SAT2: variants seen among roughly 807,000 people sequenced by gnomAD.
The protein encoded by SAT2 is thialysine N-epsilon-acetyltransferase.
Under a neutral mutation model 24.8 loss-of-function variants are expected in SAT2, and 19 were observed. That is an observed-to-expected ratio of 0.77 (90% CI 0.53 to 1.12). The LOEUF is 1.12. Ranked by LOEUF, SAT2 falls within the 50% of genes most tolerant of loss-of-function variation. The probability of loss-of-function intolerance (pLI) is 0.00; values close to 1 mark genes in which losing one functional copy is unlikely to be tolerated. For missense variants in SAT2, 190 were observed against 210.7 expected (o/e 0.90, Z 0.61); for synonymous variants, 77 against 77.4 (o/e 0.99, Z 0.03).
intron 4 of SAT2, 58 bp downstream of exon 4, chr17:7,626,885 A>G: frequency 6.2e-7 from 1 of 1,602,366 alleles, no homozygotes; most frequent in South Asian, 1.1e-5. Context: ...GACAGGGGAT[A>G]ACAGTGGGGT....
At position 7,627,713 on chromosome 17, in the gene SAT2, T is replaced by C. The variant is rs754279126; in HGVS notation, c.-78A>G. 6.5e-7 allele frequency: 1 copy of C among 1,529,474 alleles called. No homozygotes were observed. Among genetic ancestry groups the C allele is most frequent in the Non-Finnish European group, 9.1e-7 (1 of 1,104,818 alleles). The allele number at this position is 1,529,474 out of a possible 1,614,324, so 94.7% of individuals were successfully genotyped here. A position where few individuals can be genotyped will look rare whatever the true frequency, so the allele number is the denominator to read the frequency against. On this transcript the variant is annotated 5_prime_UTR_variant, in exon 1 of 6. Coordinates refer to ENST00000269298, the MANE Select transcript of SAT2 (RefSeq NM_133491.5). The surrounding 1 kb of genome is among the most constrained non-coding windows in gnomAD (Gnocchi z 4.8). ...AGACCCCTTAAAGGGCCTACGGACTTGGATCCTGAAGAGCCTGAGAGAGCG... is the reference window on the plus strand; with the variant it reads ...AGACCCCTTAAAGGGCCTACGGACTCGGATCCTGAAGAGCCTGAGAGAGCG...
Position 7,626,294 on chromosome 17 carries a change from A to C in SAT2, c.*153T>G. ...AACAAGGAAGAAAGGTCTCTCCCTCAATTCTGCTCTTCCAATACTTGAGGA... is the reference window on the plus strand; with the variant it reads ...AACAAGGAAGAAAGGTCTCTCCCTCCATTCTGCTCTTCCAATACTTGAGGA... On this transcript the variant is annotated 3_prime_UTR_variant, in exon 6 of 6. Transcript: ENST00000269298. 7.9e-6 allele frequency: 6 copies of C among 763,368 alleles called. No individual in the cohort carries two copies. Among genetic ancestry groups the C allele is most frequent in the Non-Finnish European group, 1.3e-5 (6 of 456,012 alleles). 47.3% of individuals were successfully genotyped at this position (763,368 alleles called of 1,614,324 possible). A position where few individuals can be genotyped will look rare whatever the true frequency, so the allele number is the denominator to read the frequency against.
In SAT2 at chr17:7,627,682, G is replaced by T; in HGVS notation, c.-47C>A. The T allele has an allele frequency of 6.2e-7, 1 of 1,609,202 alleles. No individual in the cohort carries two copies. Among genetic ancestry groups the T allele is most frequent in the African/African-American group, 1.3e-5 (1 of 74,914 alleles). ...CCAAAGTCCCAGGGCCTCGCAAACG[G>T]CAACTAGACCCCTTAAAGGGCCTAC... On this transcript the variant is annotated 5_prime_UTR_variant, in exon 1 of 6. Transcript: ENST00000269298. The surrounding 1 kb of genome is among the most constrained non-coding windows in gnomAD (Gnocchi z 4.8).
chr17:7,626,861 G>A (rs1387145690), intron 4 of SAT2, 68 bp from the exon 5 acceptor site: 53 of 1,605,902 alleles, frequency 3.3e-5, no homozygotes, highest in Non-Finnish European at 4.3e-5. Context: ...AAATGACACC[G>A]GCTGGGCTCT....
In SAT2 at chr17:7,627,448, G is replaced by A. The variant is rs755469378; in HGVS notation, c.67-34C>T. 53 of 1,613,120 alleles carry A rather than the reference G, an allele frequency of 3.3e-5. 1 individual carries two copies. The South Asian group carries it at 5.7e-4, about 17-fold the overall frequency. ...TGGGTACGGAAGCTAGATTAGAGCA[G>A]AAGGGCCCCGCTGCTCCCCGAGCAG... On this transcript the variant is annotated intron_variant, in intron 1 of 5. Coordinates refer to ENST00000269298, the MANE Select transcript of SAT2 (RefSeq NM_133491.5). The surrounding 1 kb of genome is among the most constrained non-coding windows in gnomAD (Gnocchi z 4.8).
chr17:7,627,070 G>T lies in SAT2; in HGVS notation c.203-26C>A. 2 of 1,613,164 alleles carry T rather than the reference G, an allele frequency of 1.2e-6. No homozygotes were observed. The highest frequency in any genetic ancestry group is 2.2e-5 in the East Asian group (1 of 44,882). On this transcript the variant is annotated intron_variant, in intron 3 of 5. Coordinates refer to ENST00000269298, the MANE Select transcript of SAT2 (RefSeq NM_133491.5). This position sits in a 1 kb window ranked among gnomAD's most constrained non-coding sequence, Gnocchi z 4.8. ...CTGAGAGAGAGAAAAGGGGAGTAAG[G>T]CTTCTGGAAGCCTGTGGGGAGACCT...
chr17:7,627,832 C>T (rs745899905), upstream of SAT2: 1 of 670,620 alleles, frequency 1.5e-6, no homozygotes, highest in Non-Finnish European at 2.7e-6. The surrounding 1 kb of genome is among the most constrained non-coding windows in gnomAD (Gnocchi z 4.8). Flanking sequence ...AGTAGGCCAG[C>T]GAGGCGATCC....
Position 7,627,269 on chromosome 17 carries a change from C to G in SAT2, c.119-43G>C. ...GTGACAAAGAGATAGAGAAAGAGGA[C>G]GTGGGTGTATGCCCAGCCTGGAGCT... On this transcript the variant is annotated intron_variant, in intron 2 of 5. Transcript: ENST00000269298. The surrounding 1 kb of genome is among the most constrained non-coding windows in gnomAD (Gnocchi z 4.8). The G allele has an allele frequency of 6.2e-7, 1 of 1,612,676 alleles. No homozygotes were observed. The highest frequency in any genetic ancestry group is 8.5e-7 in the Non-Finnish European group (1 of 1,178,792).
chr17:7,627,580 C>T lies in SAT2; in HGVS notation c.56G>A (p.Arg19Lys). 3.1e-6 allele frequency: 5 copies of T among 1,611,192 alleles called. No individual in the cohort carries two copies. The highest frequency in any genetic ancestry group is 4.2e-6 in the Non-Finnish European group (5 of 1,178,514). ...AKEGDCGDIL[R>K]LIRELAEFEK... ...GCCTGCAGTCTTCACCCGAATCAGC[C>T]TCAGGATATCTCCACAGTCTCCCTC... The change falls in exon 1 of 6, where the codon AGG (arginine) becomes AAG (lysine). Residue 19 changes from arginine (R) to lysine (K), a missense_variant. Coordinates refer to ENST00000269298, the MANE Select transcript of SAT2 (RefSeq NM_133491.5). The surrounding 1 kb of genome is among the most constrained non-coding windows in gnomAD (Gnocchi z 4.8).
In SAT2 at chr17:7,627,473, G is replaced by C. The variant is rs2072251469; in HGVS notation, c.67-59C>G. ...GAAGGGCCCCGCTGCTCCCCGAGCAGGTTCCCAAGGCGAGCCCCTCCCCCT... is the reference window on the plus strand; with the variant it reads ...GAAGGGCCCCGCTGCTCCCCGAGCACGTTCCCAAGGCGAGCCCCTCCCCCT... On this transcript the variant is annotated intron_variant, in intron 1 of 5. Coordinates refer to ENST00000269298, the MANE Select transcript of SAT2 (RefSeq NM_133491.5). The surrounding 1 kb of genome is among the most constrained non-coding windows in gnomAD (Gnocchi z 4.8). 1.9e-6 allele frequency: 3 copies of C among 1,609,004 alleles called. No individual in the cohort carries two copies. The South Asian group carries it at 3.3e-5, about 18-fold the overall frequency.
At position 7,627,178 on chromosome 17, in the gene SAT2, A is replaced by T. The variant is rs1170142467; in HGVS notation, c.167T>A (p.Val56Glu). The T allele has an allele frequency of 1.2e-6, 2 of 1,614,110 alleles. No homozygotes were observed. The highest frequency in any genetic ancestry group is 1.7e-6 in the Non-Finnish European group (2 of 1,180,022). The stretch of plus-strand genomic sequence containing the variant: ...CCCGGGCGCTGGAAGAATCTCTGCT[A>T]CCAAACAGTGATAGAAAGGATTGTC... The part of the protein sequence containing the change: ...FGDNPFYHCL[V>E]AEILPAPGKL... The change falls in exon 3 of 6, where the codon GTA (valine) becomes GAA (glutamate). Residue 56 changes from valine to glutamate, a missense_variant. Transcript: ENST00000269298. The surrounding 1 kb of genome is among the most constrained non-coding windows in gnomAD (Gnocchi z 4.8).
chr17:7,626,705 A>G (rs757084970), intron 5 of SAT2, 48 bp downstream of exon 5: 1 of 1,612,910 alleles, frequency 6.2e-7, no homozygotes. Context: ...CCCTCCATAT[A>G]CCCTTGCTTC....
rs1217471422 is a variant in SAT2 at position 7,627,217 on chromosome 17, G to A, written c.128C>T (p.Ala43Val). The change falls in exon 3 of 6, where the codon GCA (alanine) becomes GTA (valine). Residue 43 changes from alanine to valine, a missense_variant. Ala to Val is a moderately conservative substitution (Grantham distance 64). Transcript: ENST00000269298. The surrounding 1 kb of genome is among the most constrained non-coding windows in gnomAD (Gnocchi z 4.8). ...GAAAGGATTGTCTCCAAAGCCATCTGCTCTCAGGGCTGCCGAGATTGGAGT... is the reference window on the plus strand; with the variant it reads ...GAAAGGATTGTCTCCAAAGCCATCTACTCTCAGGGCTGCCGAGATTGGAGT... ...QVKISEEALR[A>V]DGFGDNPFYH... 1.2e-6 allele frequency: 2 copies of A among 1,614,124 alleles called. No homozygotes were observed. The highest frequency in any genetic ancestry group is 1.7e-6 in the Non-Finnish European group (2 of 1,180,008).
Position 7,627,274 on chromosome 17 carries a change from G to A in SAT2, c.119-48C>T. 1 of 1,612,230 alleles carries A rather than the reference G, an allele frequency of 6.2e-7. No individual in the cohort carries two copies. Among genetic ancestry groups the A allele is most frequent in the South Asian group, 1.1e-5 (1 of 91,048 alleles). On this transcript the variant is annotated intron_variant, in intron 2 of 5. Coordinates refer to ENST00000269298, the MANE Select transcript of SAT2 (RefSeq NM_133491.5). This position sits in a 1 kb window ranked among gnomAD's most constrained non-coding sequence, Gnocchi z 4.8. ...AAAGAGATAGAGAAAGAGGACGTGGGTGTATGCCCAGCCTGGAGCTGTCGC... is the reference window on the plus strand; with the variant it reads ...AAAGAGATAGAGAAAGAGGACGTGGATGTATGCCCAGCCTGGAGCTGTCGC...
rs1381763278 is a variant in SAT2 at position 7,627,462 on chromosome 17, C to T, written c.67-48G>A. On this transcript the variant is annotated intron_variant, in intron 1 of 5. Transcript: ENST00000269298. The surrounding 1 kb of genome is among the most constrained non-coding windows in gnomAD (Gnocchi z 4.8). ...AGATTAGAGCAGAAGGGCCCCGCTG[C>T]TCCCCGAGCAGGTTCCCAAGGCGAG... The T allele has an allele frequency of 4.3e-6, 7 of 1,611,476 alleles. No individual in the cohort carries two copies. In the South Asian group the frequency reaches 7.7e-5, roughly 18 times the overall value.
At position 7,627,237 on chromosome 17, in the gene SAT2, T is replaced by A. The variant is rs2072241758; in HGVS notation, c.119-11A>T. 1 of 1,614,054 alleles carries A rather than the reference T, an allele frequency of 6.2e-7. No homozygotes were observed. Among genetic ancestry groups the A allele is most frequent in the Admixed American group, 1.7e-5 (1 of 60,004 alleles). On this transcript the variant is annotated splice_polypyrimidine_tract_variant and intron_variant, in intron 2 of 5. Transcript: ENST00000269298. This position sits in a 1 kb window ranked among gnomAD's most constrained non-coding sequence, Gnocchi z 4.8. ...CATCTGCTCTCAGGGCTGCCGAGAT[T>A]GGAGTTGTGACAAAGAGATAGAGAA... is the stretch of plus-strand genomic sequence containing the variant.
chr17:7,627,505 G>T lies in SAT2; in HGVS notation c.66+65C>A. On this transcript the variant is annotated intron_variant, in intron 1 of 5. Coordinates refer to ENST00000269298, the MANE Select transcript of SAT2 (RefSeq NM_133491.5). This position sits in a 1 kb window ranked among gnomAD's most constrained non-coding sequence, Gnocchi z 4.8. The stretch of plus-strand genomic sequence containing the variant: ...AAGGCGAGCCCCTCCCCCTGCCCCC[G>T]CCTCCTACGACCCCGCTCTGGCCGC... The T allele has an allele frequency of 1.2e-6, 1 of 837,642 alleles. No homozygotes were observed. Among genetic ancestry groups the T allele is most frequent in the Non-Finnish European group, 1.9e-6 (1 of 519,618 alleles). The allele number at this position is 837,642 out of a possible 1,614,324, so 51.9% of individuals were successfully genotyped here.
At chr17:7,627,864 C>A (rs918123906), upstream of SAT2, 1 of 650,278 alleles carries the variant, frequency 1.5e-6, no homozygotes, top group Admixed American at 2.3e-5. The surrounding 1 kb of genome is among the most constrained non-coding windows in gnomAD (Gnocchi z 4.8). Flanking sequence ...ATAGCCCCAC[C>A]CCCTCGAATT....
At position 7,627,601 on chromosome 17, in the gene SAT2, C is replaced by T. The variant is rs767866792; in HGVS notation, c.35G>A (p.Gly12Glu). The change falls in exon 1 of 6, where the codon GGA becomes GAA. Residue 12 changes from glycine (G) to glutamate (E), a missense_variant. By Grantham distance (98) the Gly-to-Glu change is moderately conservative (BLOSUM62 -2). Transcript: ENST00000269298. The surrounding 1 kb of genome is among the most constrained non-coding windows in gnomAD (Gnocchi z 4.8). ...CAGCCTCAGGATATCTCCACAGTCT[C>T]CCTCCTTGGCCTCTCGGATCCGCAC... ...ASVRIREAKE[G>E]DCGDILRLIR... 6.2e-7 allele frequency: 1 copy of T among 1,612,984 alleles called. No homozygotes were observed. Among genetic ancestry groups the T allele is most frequent in the Non-Finnish European group, 8.5e-7 (1 of 1,179,506 alleles).
Sources: gnomAD v4.1 joint callset for allele counts on GRCh38, gnomAD v4.1.1 for gene constraint, Gnocchi (gnomAD v3.1) non-coding constraint, MANE v1.5 for transcripts, NCBI Gene and HGNC (gene_info 2026-07-23, HGNC 2026-07-21) for gene names.